DNM3: variants seen among roughly 807,000 people sequenced by gnomAD.
DNM3 encodes the protein dynamin 3.
DNM3 carries 47 observed loss-of-function variants against 101.6 expected under a neutral mutation model. That is an observed-to-expected ratio of 0.46 (90% CI 0.37 to 0.59). The LOEUF is 0.59. Among genes scored for constraint, DNM3 ranks in the 20% least tolerant of loss-of-function variants. The pLI, the probability that DNM3 is intolerant of heterozygous loss-of-function variation, is 0.00. For synonymous variants in DNM3, 385 were observed against 387.9 expected, an observed-to-expected ratio of 0.99 and a Z score of 0.09; for missense variants, 849 against 1,085.7, an observed-to-expected ratio of 0.78 and a Z score of 3.06.
chr1:172,302,628 T>A (rs560541523), intron 15 of DNM3, among the ~76,000 whole-genome samples: 5 of 152,176 alleles, frequency 3.3e-5, no homozygotes, highest in Non-Finnish European at 7.3e-5. Context: ...AGGGGCTGAC[T>A]GACACCTCAT....
chr1:172,384,808 A>G (rs2069100538), intron 18 of DNM3, among the ~76,000 whole-genome samples: 1 of 152,238 alleles, frequency 6.6e-6, no homozygotes, highest in Non-Finnish European at 1.5e-5. Flanking sequence ...AACCCAACCA[A>G]TGGTCAATGC....
At chr1:171,910,296 A>G (rs558001987) in intron 1 of DNM3, among the ~76,000 whole-genome samples, 1 of 152,350 alleles carries the variant, frequency 6.6e-6, no homozygotes, top group Non-Finnish European at 1.5e-5. Flanking sequence ...TCAATGGAAA[A>G]TTCCAGAAAT....
intron 15 of DNM3, among the ~76,000 whole-genome samples, chr1:172,259,504 A>G (rs1370203318): frequency 6.6e-6 from 1 of 152,096 alleles, no homozygotes; most frequent in African/African-American, 2.4e-5. Context: ...TTCATTATAT[A>G]ATAATTTTGT....
intron 14 of DNM3, among the ~76,000 whole-genome samples, chr1:172,235,440 G>A (rs958049254): frequency 1.2e-4 from 18 of 152,092 alleles, no homozygotes; most frequent in Admixed American, 2.6e-4. Context: ...TCAGTGTGGC[G>A]ATTCCTCAGG....
intron 15 of DNM3, among the ~76,000 whole-genome samples, chr1:172,305,994 C>T (rs999538482): frequency 1.3e-5 from 2 of 152,176 alleles, no homozygotes; most frequent in Non-Finnish European, 1.5e-5. Context: ...CCCTCTCTCA[C>T]CACTCGTATT....
downstream of DNM3, among the ~76,000 whole-genome samples, chr1:172,415,570 C>T (rs139408371): frequency 0.012 from 1,475 of 119,718 alleles, 11 homozygotes; most frequent in Middle Eastern, 0.03. Context: ...CACTCTGTTG[C>T]CCAGGCTGCA....
intron 2 of DNM3, among the ~76,000 whole-genome samples, chr1:171,961,931 T>C (rs2043239073): frequency 6.6e-6 from 1 of 152,202 alleles, no homozygotes; most frequent in African/African-American, 2.4e-5. Context: ...AGGAATTTAT[T>C]TTTCACAGTT....
At chr1:172,220,487 T>C (rs2060867423) in intron 14 of DNM3, among the ~76,000 whole-genome samples, 1 of 152,116 alleles carries the variant, frequency 6.6e-6, no homozygotes, top group Non-Finnish European at 1.5e-5. Flanking sequence ...AGAGTGCACA[T>C]GGGGGAGGCA....
At chr1:172,081,154 A>G (rs1183885995) in intron 11 of DNM3, among the ~76,000 whole-genome samples, 1 of 152,114 alleles carries the variant, frequency 6.6e-6, no homozygotes, top group Non-Finnish European at 1.5e-5. Flanking sequence ...GGCTATTCAC[A>G]GGCCTGATGA....
intron 13 of DNM3, among the ~76,000 whole-genome samples, chr1:172,128,785 C>T (rs1297093416): frequency 6.6e-6 from 1 of 152,192 alleles, no homozygotes; most frequent in African/African-American, 2.4e-5. Context: ...ATCCCACTCT[C>T]ATTCACTCAT....
intron 1 of DNM3, among the ~76,000 whole-genome samples, chr1:171,878,295 T>C (rs937569814): frequency 6.6e-6 from 1 of 152,126 alleles, no homozygotes; most frequent in Non-Finnish European, 1.5e-5. Flanking sequence ...AGGGACCTTG[T>C]TTCCTATTCT....
chr1:171,939,800 T>C (rs1042780824), intron 2 of DNM3, among the ~76,000 whole-genome samples: 1 of 152,186 alleles, frequency 6.6e-6, no homozygotes, highest in Non-Finnish European at 1.5e-5. Flanking sequence ...GTTACTTACC[T>C]ACGCCTTCTT....
At chr1:171,948,069 T>G (rs1342374513) in intron 2 of DNM3, among the ~76,000 whole-genome samples, 1 of 152,234 alleles carries the variant, frequency 6.6e-6, no homozygotes, top group African/African-American at 2.4e-5. Context: ...CACCTAATGG[T>G]AATTCCATCT....
chr1:171,976,450 A>G (rs1390842028), intron 2 of DNM3, among the ~76,000 whole-genome samples: 1 of 152,068 alleles, frequency 6.6e-6, no homozygotes, highest in East Asian at 1.9e-4. Flanking sequence ...GTGCAGGGGA[A>G]CTCCCTTTTA....
intron 14 of DNM3, among the ~76,000 whole-genome samples, chr1:172,240,893 A>T (rs1321732099): frequency 6.6e-6 from 1 of 152,268 alleles, no homozygotes; most frequent in East Asian, 1.9e-4. Context: ...ACCATTAAGC[A>T]TTTGAAATGG....
At chr1:171,860,869 C>T (rs2034102777) in intron 1 of DNM3, among the ~76,000 whole-genome samples, 1 of 152,090 alleles carries the variant, frequency 6.6e-6, no homozygotes, top group South Asian at 2.1e-4. Context: ...GCAGTGTTGC[C>T]ATTTCCTGTA....
intron 1 of DNM3, among the ~76,000 whole-genome samples, chr1:171,861,226 T>C (rs571511034): frequency 6.6e-6 from 1 of 152,262 alleles, no homozygotes; most frequent in South Asian, 2.1e-4. Context: ...GATGCCATTT[T>C]TGTGCAGAAA....
At chr1:171,879,501 G>A (rs530873714) in intron 1 of DNM3, among the ~76,000 whole-genome samples, 46 of 152,216 alleles carry the variant, frequency 3.0e-4, no homozygotes, top group African/African-American at 1.1e-3. Context: ...TTAGAAGTCA[G>A]TTACAGATAA....
rs1429017403 is a variant in DNM3 at position 172,320,764 on chromosome 1, C to T, written c.1882-2565C>T. Among the ~76,000 whole-genome samples, 5 of 152,184 alleles carry T rather than the reference C, an allele frequency of 3.3e-5. 1 individual carries two copies. In the South Asian group the frequency reaches 1.0e-3, roughly 32 times the overall value. On this transcript the variant is annotated intron_variant, in intron 16 of 20. Coordinates refer to ENST00000627582, the MANE Select transcript of DNM3 (RefSeq NM_015569.5). ...GATGCACTCTGGGGGGATAGGCCAG[C>T]CTCCATCGGTTAGTCAGGAGTGAGC...
Sources: gnomAD v4.1 joint callset for allele counts (sites outside exome capture counted in the v4.1 genomes callset) on GRCh38, gnomAD v4.1.1 for gene constraint, MANE v1.5 for transcripts, NCBI Gene and HGNC (gene_info 2026-07-23, HGNC 2026-07-21) for gene names.